The following ALDH1L1 variants were observed in gnomAD, a reference collection of about 807,000 sequenced individuals.
ALDH1L1 encodes the protein aldehyde dehydrogenase 1 family member L1.
ALDH1L1 carries 68 observed loss-of-function variants against 101.1 expected under a neutral mutation model. The observed-to-expected ratio is 0.67, with a 90% CI of 0.55 to 0.82. The LOEUF is 0.82. ALDH1L1 is among the 40% of genes least tolerant of loss of function. The pLI, the probability that ALDH1L1 is intolerant of heterozygous loss-of-function variation, is 0.00. For synonymous variants in ALDH1L1, 486 were observed against 470.8 expected (o/e 1.03, Z -0.42); for missense variants, 1,087 against 1,172.7 (o/e 0.93, Z 1.07).
rs561296762 is a variant in ALDH1L1 at position 126,105,781 on chromosome 3, G to C, written c.2598C>G (p.Thr866=). 15 of 1,614,082 alleles carry C rather than the reference G, an allele frequency of 9.3e-6. No individual in the cohort carries two copies. The highest frequency in any genetic ancestry group is 1.3e-5 in the Non-Finnish European group (15 of 1,180,042). The change falls in exon 22 of 23, where the codon ACC becomes ACG. Residue 866 remains threonine, a synonymous_variant. Transcript: ENST00000393434. ...ATCCTCCGAAGGGAGCGGCCACGTC[G>C]GTCTTGTTGTACGTGTTGACAAACA... is the stretch of plus-strand genomic sequence containing the variant. ...GTVFVNTYNK[T]DVAAPFGGFK... is the part of the protein sequence containing the mutation.
intron 14 of ALDH1L1, 34 bp downstream of exon 14, chr3:126,130,189 G>A (rs768555195): frequency 1.5e-5 from 23 of 1,577,944 alleles, no homozygotes; most frequent in Admixed American, 3.6e-5. Context: ...GGAAAGCACC[G>A]CGAGGCTGCA....
chr3:126,114,518 C>T (rs1946174673), intron 18 of ALDH1L1, 39 bp downstream of exon 18: 1 of 1,449,284 alleles, frequency 6.9e-7, no homozygotes, highest in East Asian at 2.4e-5. Context: ...GTCCCTGTTC[C>T]CGCTCACTGT....
At chr3:126,135,935 C>T (rs2080431630) in intron 11 of ALDH1L1, among the ~76,000 whole-genome samples, 1 of 152,182 alleles carries the variant, frequency 6.6e-6, no homozygotes, top group Admixed American at 6.5e-5. Context: ...GGCTCCCTCA[C>T]CTTGGTGCCT....
chr3:126,158,722 C>T, intron 2 of ALDH1L1, 83 bp from the exon 3 acceptor site: 1 of 1,331,442 alleles, frequency 7.5e-7, no homozygotes, highest in South Asian at 1.3e-5. Context: ...CAGAGCAGCT[C>T]ATAGGACTTC....
chr3:126,115,177 C>A (rs1252169992), intron 17 of ALDH1L1: 4 of 428,090 alleles, frequency 9.3e-6, no homozygotes, highest in Non-Finnish European at 1.9e-5. Context: ...GGCACAGCTG[C>A]AGGGGCCCAG....
intron 1 of ALDH1L1, among the ~76,000 whole-genome samples, chr3:126,190,827 G>A (rs186679905): frequency 6.6e-6 from 1 of 152,340 alleles, no homozygotes; most frequent in East Asian, 1.9e-4. Context: ...TCCATAACAT[G>A]CTGAAATTAT....
Position 126,155,417 on chromosome 3 carries a change from C to T in ALDH1L1, c.615G>A (p.Lys205=). Residue 205 remains lysine, a synonymous_variant, in exon 5 of 23, where the codon AAG becomes AAA. Coordinates refer to ENST00000393434, the MANE Select transcript of ALDH1L1 (RefSeq NM_012190.4). ...CAGCACTCACCTTGGCTGTCTCCTT[C>T]TTCTGAATCCCCTCATAGGTGGCTC... is the stretch of plus-strand genomic sequence containing the variant. ...EEGATYEGIQ[K]KETAKINWDQ... is the part of the protein sequence containing the mutation. 1.2e-6 allele frequency: 2 copies of T among 1,612,950 alleles called. No homozygotes were observed. The highest frequency in any genetic ancestry group is 1.7e-6 in the Non-Finnish European group (2 of 1,179,566).
Position 126,114,937 on chromosome 3 carries a change from T to G in ALDH1L1, c.1983-281A>C, listed in dbSNP as rs191118004. 3.7e-5 allele frequency: 19 copies of G among 516,924 alleles called. No homozygotes were observed. The East Asian group carries it at 9.5e-4, about 26-fold the overall frequency. The allele number at this position is 516,924 out of a possible 1,614,324, so 32.0% of individuals were successfully genotyped here. On this transcript the variant is annotated intron_variant, in intron 17 of 22. Coordinates refer to ENST00000393434, the MANE Select transcript of ALDH1L1 (RefSeq NM_012190.4). Reference sequence around the variant, plus strand: ...TTTCCTGCAGGCCTGTGTTCCCTTCTCTGGGGTGCCTCCCTGATCGCCCCG... The same window carrying G: ...TTTCCTGCAGGCCTGTGTTCCCTTCGCTGGGGTGCCTCCCTGATCGCCCCG...
rs115042580 is a variant in ALDH1L1, at chr3:126,191,759, G to C, written c.-24+5976C>G. On this transcript the variant is annotated intron_variant, in intron 1 of 2. Transcript: ENST00000509952. Reference sequence around the variant, plus strand: ...TGCCTTAGAGTGAAACTTTCTCCTTGAAAACTGAAGGCTTTCCATCAAAAC... The same window carrying C: ...TGCCTTAGAGTGAAACTTTCTCCTTCAAAACTGAAGGCTTTCCATCAAAAC... Among the ~76,000 whole-genome samples, 689 of 152,236 alleles carry C rather than the reference G, an allele frequency of 4.5e-3. 7 individuals carry two copies. The highest frequency in any genetic ancestry group is 0.016 in the African/African-American group (669 of 41,540).
intron 9 of ALDH1L1, among the ~76,000 whole-genome samples, chr3:126,144,898 GA>G (rs1418512190): frequency 6.6e-6 from 1 of 152,170 alleles, no homozygotes; most frequent in Non-Finnish European, 1.5e-5. Flanking sequence ...AATCAGCATG[GA>G]ATGCGAGAAA....
intron 1 of ALDH1L1, among the ~76,000 whole-genome samples, chr3:126,162,580 T>C (rs1487340405): frequency 9.9e-5 from 15 of 152,238 alleles, no homozygotes; most frequent in Admixed American, 5.2e-4. Context: ...TTTAATCATC[T>C]AGACTTTGAG....
At chr3:126,112,036 AC>A (rs1184561623) in intron 19 of ALDH1L1, among the ~76,000 whole-genome samples, 1 of 152,102 alleles carries the variant, frequency 6.6e-6, no homozygotes, top group Non-Finnish European at 1.5e-5. Flanking sequence ...CCATACTCCC[AC>A]CATATCCGAG....
rs1453165548 is a variant in ALDH1L1 at position 126,135,632 on chromosome 3, T to A, written c.1375A>T (p.Thr459Ser). The change falls in exon 12 of 23, where the codon ACC becomes TCC. Residue 459 changes from threonine to serine, a missense_variant. Coordinates refer to ENST00000393434, the MANE Select transcript of ALDH1L1 (RefSeq NM_012190.4). ...VICQVSLAQVTDVDKAVAAAK... is the reference protein window; with the variant it reads ...VICQVSLAQVSDVDKAVAAAK... ...GCGGCCACTGCCTTGTCGACGTCGGTGACTTGGGCCAGGGATACCTGGCAG... is the reference window on the plus strand; with the variant it reads ...GCGGCCACTGCCTTGTCGACGTCGGAGACTTGGGCCAGGGATACCTGGCAG... 3 of 1,580,738 alleles carry A rather than the reference T, an allele frequency of 1.9e-6. No homozygotes were observed. The East Asian group carries it at 7.1e-5, about 38-fold the overall frequency.
chr3:126,174,542 A>G (rs575979506), intron 1 of ALDH1L1, among the ~76,000 whole-genome samples: 5 of 152,386 alleles, frequency 3.3e-5, no homozygotes, highest in East Asian at 1.9e-4. Flanking sequence ...AATGACTTCT[A>G]TGATGGAGAT....
Position 126,119,963 on chromosome 3 carries a change from C to T in ALDH1L1, c.1889-1865G>A, listed in dbSNP as rs191202775. Among the ~76,000 whole-genome samples the T allele has an allele frequency of 1.8e-3, 267 of 152,364 alleles. 6 individuals are homozygous for T. The highest frequency in any genetic ancestry group is 5.9e-5 in the Non-Finnish European group (4 of 68,034). ...ACAGCTACTAAACAACAAAAATCCA[C>T]AACACTGATGATGCCAGATGCTGGG... On this transcript the variant is annotated intron_variant, in intron 16 of 22. Coordinates refer to ENST00000393434, the MANE Select transcript of ALDH1L1 (RefSeq NM_012190.4).
Position 126,153,505 on chromosome 3 carries a change from G to A in ALDH1L1, c.797C>T (p.Ala266Val). Reference sequence around the variant, plus strand: ...TTTGGTGACCACCCCTGGCCGATGGGCTCCTGGGATGGGCAAAGCGTCTCC... The same window carrying A: ...TTTGGTGACCACCCCTGGCCGATGGACTCCTGGGATGGGCAAAGCGTCTCC... ...PEGDALPIPG[A>V]HRPGVVTKAG... The change falls in exon 7 of 23, where the codon GCC becomes GTC. Residue 266 changes from alanine (A) to valine (V), a missense_variant. By Grantham distance (64) the Ala-to-Val change is moderately conservative. Coordinates refer to ENST00000393434, the MANE Select transcript of ALDH1L1 (RefSeq NM_012190.4). 1 of 1,614,190 alleles carries A rather than the reference G, an allele frequency of 6.2e-7. No homozygotes were observed. The highest frequency in any genetic ancestry group is 8.5e-7 in the Non-Finnish European group (1 of 1,180,040).
rs1235986479 is a variant in ALDH1L1, at chr3:126,112,988, G to A, written c.2083-108C>T. 5 of 936,814 alleles carry A rather than the reference G, an allele frequency of 5.3e-6. No homozygotes were observed. In the African/African-American group the frequency reaches 8.1e-5, roughly 15 times the overall value. 58.0% of individuals were successfully genotyped at this position (936,814 alleles called of 1,614,324 possible). The stretch of plus-strand genomic sequence containing the variant: ...TCTAATTAGGAAAGGAGGCACCCAT[G>A]TGTCCTGATCTCCTCCTGTGGGCCC... On this transcript the variant is annotated intron_variant, in intron 18 of 22. Coordinates refer to ENST00000393434, the MANE Select transcript of ALDH1L1 (RefSeq NM_012190.4).
At chr3:126,130,070 G>T (rs1226444726) in intron 14 of ALDH1L1, 153 bp downstream of exon 14, 1 of 581,738 alleles carries the variant, frequency 1.7e-6, no homozygotes, top group Non-Finnish European at 2.8e-6. Context: ...TTACAACAAT[G>T]CCTGGCATGG....
intron 1 of ALDH1L1, among the ~76,000 whole-genome samples, chr3:126,164,439 T>C (rs148925344): frequency 0.021 from 3,179 of 152,316 alleles, 91 homozygotes; most frequent in Non-Finnish European, 0.023. Context: ...GTGTGCTCAA[T>C]GTTGAGCTCC....
Sources: allele counts gnomAD v4.1 joint callset (sites outside exome capture counted in the v4.1 genomes callset), GRCh38; gene constraint gnomAD v4.1.1; transcripts MANE v1.5; gene names NCBI Gene and HGNC (gene_info 2026-07-23, HGNC 2026-07-21).